The following SNTG1 variants were observed in gnomAD, a reference collection of about 807,000 sequenced individuals.
SNTG1 encodes the protein gamma-1-syntrophin.
SNTG1 carries 39 observed loss-of-function variants against 74.7 expected under a neutral mutation model. The ratio of observed to expected loss-of-function variants is 0.52; its 90% confidence interval spans 0.40 to 0.68. The LOEUF (loss-of-function observed/expected upper bound fraction) is 0.68. Among genes scored for constraint, SNTG1 ranks in the 30% least tolerant of loss-of-function variants. The pLI, the probability that SNTG1 is intolerant of heterozygous loss-of-function variation, is 0.00. For synonymous variants in SNTG1, 254 were observed against 217.1 expected, an observed-to-expected ratio of 1.17 and a Z score of -1.49; for missense variants, 685 against 609.5, an observed-to-expected ratio of 1.12 and a Z score of -1.30.
intron 13 of SNTG1, among the ~76,000 whole-genome samples, chr8:50,608,906 G>A (rs1208496341): frequency 1.3e-5 from 2 of 151,838 alleles, no homozygotes; most frequent in Admixed American, 6.6e-5. Context: ...AATCACATAT[G>A]CATCTTTAAG....
At chr8:50,641,367 A>T (rs1585928459) in intron 13 of SNTG1, among the ~76,000 whole-genome samples, 1 of 151,972 alleles carries the variant, frequency 6.6e-6, no homozygotes. Flanking sequence ...ACATCTGCCC[A>T]CTTCCCTGCA....
intron 5 of SNTG1, among the ~76,000 whole-genome samples, chr8:50,444,871 AT>A (rs565728636): frequency 4.6e-5 from 7 of 152,018 alleles, no homozygotes; most frequent in Non-Finnish European, 7.4e-5. Flanking sequence ...AGACCATTAC[AT>A]TTTTTTTCAT....
At chr8:50,259,813 C>G (rs1043059727) in intron 2 of SNTG1, among the ~76,000 whole-genome samples, 1 of 151,974 alleles carries the variant, frequency 6.6e-6, no homozygotes, top group Non-Finnish European at 1.5e-5. Context: ...ATTGAAGAAG[C>G]AGGAAGGTAA....
chr8:50,093,743 T>C (rs1217149506), intron 1 of SNTG1, among the ~76,000 whole-genome samples: 1 of 152,046 alleles, frequency 6.6e-6, no homozygotes, highest in East Asian at 1.9e-4. Context: ...TGTTAAAAAA[T>C]TGTGAAAAGT....
intron 12 of SNTG1, among the ~76,000 whole-genome samples, chr8:50,580,783 A>T (rs1044121002): frequency 6.6e-6 from 1 of 152,164 alleles, no homozygotes; most frequent in African/African-American, 2.4e-5. Context: ...TTTTCATTAT[A>T]AATTACCCAG....
intron 1 of SNTG1, among the ~76,000 whole-genome samples, chr8:49,920,162 T>C (rs1477719778): frequency 6.6e-6 from 1 of 152,088 alleles, no homozygotes; most frequent in Non-Finnish European, 1.5e-5. Flanking sequence ...CTCCTTGAAG[T>C]TGGAACTAGA....
intron 17 of SNTG1, among the ~76,000 whole-genome samples, chr8:50,726,015 C>T (rs1264330896): frequency 6.6e-6 from 1 of 152,138 alleles, no homozygotes; most frequent in East Asian, 1.9e-4. Context: ...GGTTATAACA[C>T]AATAATACAC....
At chr8:50,482,840 G>A (rs2093752466) in intron 8 of SNTG1, among the ~76,000 whole-genome samples, 1 of 152,162 alleles carries the variant, frequency 6.6e-6, no homozygotes, top group Non-Finnish European at 1.5e-5. Context: ...AGATAATGAT[G>A]TATTTAGTTT....
intron 4 of SNTG1, among the ~76,000 whole-genome samples, chr8:50,405,329 G>A (rs2092858918): frequency 2.0e-5 from 3 of 151,986 alleles, no homozygotes; most frequent in African/African-American, 7.2e-5. Flanking sequence ...CTGTGTTTTT[G>A]ATAATAGCTA....
chr8:49,914,487 C>T (rs1420421139), intron 1 of SNTG1, among the ~76,000 whole-genome samples: 1 of 151,924 alleles, frequency 6.6e-6, no homozygotes, highest in Non-Finnish European at 1.5e-5. Flanking sequence ...TATATAGGAC[C>T]AGAGGATAAT....
At chr8:50,746,015 G>A (rs939953940) in intron 17 of SNTG1, among the ~76,000 whole-genome samples, 3 of 151,766 alleles carry the variant, frequency 2.0e-5, no homozygotes, top group Admixed American at 6.6e-5. Flanking sequence ...AAATCATTAC[G>A]ATGCTAAATT....
At chr8:49,938,879 C>A (rs1451776077) in intron 1 of SNTG1, among the ~76,000 whole-genome samples, 1 of 151,714 alleles carries the variant, frequency 6.6e-6, no homozygotes, top group Non-Finnish European at 1.5e-5. Context: ...TTGGAAATCT[C>A]ACCATGTTGT....
chr8:50,167,812 CA>C (rs1312245688), intron 1 of SNTG1, among the ~76,000 whole-genome samples: 4,592 of 75,540 alleles, frequency 0.061, 172 homozygotes, highest in African/African-American at 0.15. Flanking sequence ...GATTCTATCT[CA>C]AAAAAAAAAA....
chr8:50,624,336 A>AT (rs79237674), intron 13 of SNTG1, among the ~76,000 whole-genome samples: 27,559 of 150,312 alleles, frequency 0.18, 6,202 homozygotes, highest in African/African-American at 0.54. Flanking sequence ...AAAAAATTAT[A>AT]TTTTTTTTCA....
chr8:50,016,950 A>G (rs1225592232), intron 1 of SNTG1, among the ~76,000 whole-genome samples: 4 of 152,120 alleles, frequency 2.6e-5, no homozygotes, highest in Non-Finnish European at 4.4e-5. Context: ...TGACATAGTT[A>G]AAGTTGTGGC....
At chr8:50,291,582 T>A (rs987733853) in intron 2 of SNTG1, among the ~76,000 whole-genome samples, 1 of 152,082 alleles carries the variant, frequency 6.6e-6, no homozygotes, top group Non-Finnish European at 1.5e-5. Context: ...GAAGACTTTC[T>A]AGGATGTACT....
chr8:50,212,912 C>G (rs776285725), intron 2 of SNTG1, among the ~76,000 whole-genome samples: 1 of 152,144 alleles, frequency 6.6e-6, no homozygotes, highest in East Asian at 1.9e-4. Flanking sequence ...TGTGAGAGAA[C>G]GTGTGGAAGC....
At chr8:50,045,093 T>C (rs957076244) in intron 1 of SNTG1, among the ~76,000 whole-genome samples, 1 of 152,112 alleles carries the variant, frequency 6.6e-6, no homozygotes, top group Admixed American at 6.6e-5. Context: ...GACAGTAGGG[T>C]GCAGGGCCAG....
chr8:50,780,678 A>G (rs1318781605), intron 18 of SNTG1, among the ~76,000 whole-genome samples: 1 of 152,014 alleles, frequency 6.6e-6, no homozygotes, highest in Non-Finnish European at 1.5e-5. Context: ...TAATTTTTTG[A>G]AGGCTTTTTT....
Sources: gnomAD v4.1 joint callset for allele counts (sites outside exome capture counted in the v4.1 genomes callset) on GRCh38, gnomAD v4.1.1 for gene constraint, MANE v1.5 for transcripts, NCBI Gene and HGNC (gene_info 2026-07-23, HGNC 2026-07-21) for gene names.